The following RABGAP1L variants were observed in gnomAD, a reference collection of about 807,000 sequenced individuals.
RABGAP1L encodes rab GTPase-activating protein 1-like.
RABGAP1L carries 63 observed loss-of-function variants against 137.7 expected under a neutral mutation model. The observed-to-expected ratio is 0.46, with a 90% CI of 0.37 to 0.56. The LOEUF is 0.56. Among genes scored for constraint, RABGAP1L ranks in the 20% least tolerant of loss-of-function variants. The pLI, the probability that RABGAP1L is intolerant of heterozygous loss-of-function variation, is 0.00. For synonymous variants in RABGAP1L, 431 were observed against 433.7 expected, an observed-to-expected ratio of 0.99 and a Z score of 0.08; for missense variants, 1,095 against 1,244.0, an observed-to-expected ratio of 0.88 and a Z score of 1.80.
intron 13 of RABGAP1L, among the ~76,000 whole-genome samples, chr1:174,559,542 T>A (rs1483726203): frequency 6.6e-6 from 1 of 152,254 alleles, no homozygotes; most frequent in Non-Finnish European, 1.5e-5. Context: ...ATTACCTTTT[T>A]AAAATATTTT....
intron 14 of RABGAP1L, among the ~76,000 whole-genome samples, chr1:174,644,560 G>A (rs1383419198): frequency 6.6e-6 from 1 of 151,814 alleles, no homozygotes; most frequent in Admixed American, 6.6e-5. Context: ...AAACTAACCT[G>A]CAAAGATGAA....
chr1:174,918,827 C>CCG (rs1412963609), intron 19 of RABGAP1L, among the ~76,000 whole-genome samples: 3 of 134,104 alleles, frequency 2.2e-5, no homozygotes, highest in African/African-American at 8.5e-5. Context: ...AGACCCACCC[C>CCG]CCCGATCTCT....
intron 13 of RABGAP1L, among the ~76,000 whole-genome samples, chr1:174,503,672 A>AAAAAG (rs985872294): frequency 7.2e-6 from 1 of 138,460 alleles, no homozygotes; most frequent in Admixed American, 7.2e-5. Context: ...AAAAAAAAAA[A>AAAAAG]AAAGAAATGT....
intron 14 of RABGAP1L, among the ~76,000 whole-genome samples, chr1:174,648,590 T>G (rs1675186859): frequency 1.3e-5 from 2 of 152,222 alleles, no homozygotes. Context: ...TCCATTCTTT[T>G]GCATTTGCTG....
intron 17 of RABGAP1L, among the ~76,000 whole-genome samples, chr1:174,741,232 T>G (rs987544324): frequency 2.0e-5 from 3 of 152,222 alleles, no homozygotes; most frequent in African/African-American, 7.2e-5. Context: ...TTTAAGTCTT[T>G]AATCTACTTT....
chr1:174,307,650 T>C (rs1179075968), intron 11 of RABGAP1L, among the ~76,000 whole-genome samples: 1 of 152,180 alleles, frequency 6.6e-6, no homozygotes, highest in East Asian at 1.9e-4. Context: ...CAGGTGTCAG[T>C]ATTTCATTCC....
intron 14 of RABGAP1L, among the ~76,000 whole-genome samples, chr1:174,662,964 C>T (rs1377172204): frequency 6.6e-6 from 1 of 151,994 alleles, no homozygotes; most frequent in Non-Finnish European, 1.5e-5. Flanking sequence ...TATAGCTGTA[C>T]AATGTAGTTT....
chr1:174,928,679 A>G (rs1351301158), intron 19 of RABGAP1L, among the ~76,000 whole-genome samples: 2 of 152,040 alleles, frequency 1.3e-5, no homozygotes, highest in Non-Finnish European at 2.9e-5. Flanking sequence ...ATCTTTTGCA[A>G]ATTTGTTGCC....
chr1:174,879,649 G>T (rs889108206), intron 19 of RABGAP1L, among the ~76,000 whole-genome samples: 1 of 152,148 alleles, frequency 6.6e-6, no homozygotes, highest in Non-Finnish European at 1.5e-5. Flanking sequence ...TATTGAAACT[G>T]GGTGATAAGT....
At chr1:174,196,707 G>A (rs1667720566) in intron 1 of RABGAP1L, among the ~76,000 whole-genome samples, 1 of 149,454 alleles carries the variant, frequency 6.7e-6, no homozygotes, top group Admixed American at 6.7e-5. Flanking sequence ...CTAGTTTCTT[G>A]TTTGTAATCT....
At chr1:174,191,536 G>T (rs1296537239) in intron 1 of RABGAP1L, among the ~76,000 whole-genome samples, 1 of 152,128 alleles carries the variant, frequency 6.6e-6, no homozygotes, top group Non-Finnish European at 1.5e-5. Context: ...TACTTAATTT[G>T]AGTCTGCTAC....
intron 13 of RABGAP1L, among the ~76,000 whole-genome samples, chr1:174,486,162 T>G: frequency 6.6e-6 from 1 of 151,946 alleles, no homozygotes; most frequent in East Asian, 1.9e-4. Context: ...CTTGAACATC[T>G]ACAGCATCAG....
intron 19 of RABGAP1L, among the ~76,000 whole-genome samples, chr1:174,817,257 C>T (rs1485268822): frequency 6.6e-6 from 1 of 152,068 alleles, no homozygotes; most frequent in African/African-American, 2.4e-5. Flanking sequence ...CAAAATCTGA[C>T]ATTAACCTAA....
chr1:174,790,571 T>A (rs1687773053), intron 18 of RABGAP1L, among the ~76,000 whole-genome samples: 1 of 151,322 alleles, frequency 6.6e-6, no homozygotes, highest in African/African-American at 2.4e-5. Flanking sequence ...GAGGCAGAGG[T>A]TGCAGTGAGC....
intron 20 of RABGAP1L, among the ~76,000 whole-genome samples, chr1:174,959,469 C>A (rs1668893820): frequency 6.6e-6 from 1 of 152,082 alleles, no homozygotes; most frequent in South Asian, 2.1e-4. Flanking sequence ...TGTGCCAAAG[C>A]AGGTATGTAT....
At chr1:174,546,169 G>A (rs879392212) in intron 13 of RABGAP1L, among the ~76,000 whole-genome samples, 4 of 152,170 alleles carry the variant, frequency 2.6e-5, no homozygotes, top group Admixed American at 1.3e-4. Flanking sequence ...CTGCTCTAAA[G>A]TTGGGTCTGG....
At chr1:174,746,957 T>C (rs1315924157) in intron 17 of RABGAP1L, among the ~76,000 whole-genome samples, 4 of 152,338 alleles carry the variant, frequency 2.6e-5, no homozygotes, top group African/African-American at 7.2e-5. Flanking sequence ...GGCCATAATA[T>C]GTTTACTTAT....
At chr1:174,572,644 G>A (rs113881171) in intron 13 of RABGAP1L, among the ~76,000 whole-genome samples, 7 of 152,218 alleles carry the variant, frequency 4.6e-5, no homozygotes, top group African/African-American at 1.4e-4. Context: ...GCCTCCCAAA[G>A]TGCTGAGACT....
chr1:174,403,206 A>AGTGTGTGT (rs1467034176), intron 13 of RABGAP1L, among the ~76,000 whole-genome samples: 1 of 92,016 alleles, frequency 1.1e-5, no homozygotes, highest in East Asian at 5.1e-4. Context: ...GTTATATATG[A>AGTGTGTGT]GAGTGTGTGT....
Sources: gnomAD v4.1 joint callset for allele counts (sites outside exome capture counted in the v4.1 genomes callset) on GRCh38, gnomAD v4.1.1 for gene constraint, MANE v1.5 for transcripts, NCBI Gene and HGNC (gene_info 2026-07-23, HGNC 2026-07-21) for gene names.